Variants in KALRN observed in about 807,000 individuals in gnomAD.
KALRN encodes kalirin RhoGEF kinase.
In KALRN, 70 loss-of-function variants were observed where a neutral mutation model predicts 353.7. That is an observed-to-expected ratio of 0.20 (90% CI 0.16 to 0.24). The LOEUF is 0.24. Among genes scored for constraint, KALRN ranks in the 10% least tolerant of loss-of-function variants. KALRN has a pLI of 1.00. For missense variants in KALRN, 2,791 were observed against 3,756.7 expected, an observed-to-expected ratio of 0.74 and a Z score of 6.72; for synonymous variants, 1,391 against 1,434.8, an observed-to-expected ratio of 0.97 and a Z score of 0.69.
At chr3:124,300,714 GA>G (rs1186090215) in intron 6 of KALRN, among the ~76,000 whole-genome samples, 2 of 152,228 alleles carry the variant, frequency 1.3e-5, no homozygotes, top group African/African-American at 4.8e-5. Flanking sequence ...ATGTTAGGTA[GA>G]GGTGAACATC....
chr3:124,327,769 G>A (rs745729915), intron 7 of KALRN, among the ~76,000 whole-genome samples: 11 of 152,182 alleles, frequency 7.2e-5, no homozygotes, highest in African/African-American at 2.7e-4. Flanking sequence ...GCCAAGGAGA[G>A]TCAGACACCT....
At chr3:124,488,181 T>C in intron 28 of KALRN, 23 bp from the exon 29 acceptor site, 2 of 1,512,942 alleles carry the variant, frequency 1.3e-6, no homozygotes, top group African/African-American at 1.4e-5. Flanking sequence ...GCCCTAATTA[T>C]GTCCGGACTT....
At chr3:124,558,537 CCGAAATG>C (rs1419507461) in intron 33 of KALRN, among the ~76,000 whole-genome samples, 4 of 152,242 alleles carry the variant, frequency 2.6e-5, no homozygotes, top group Non-Finnish European at 5.9e-5. Flanking sequence ...CCTCGGCCTC[CCGAAATG>C]CTGGGATTAC....
intron 47 of KALRN, among the ~76,000 whole-genome samples, chr3:124,667,527 GAT>G (rs777786808): frequency 3.9e-5 from 6 of 152,222 alleles, no homozygotes; most frequent in Non-Finnish European, 5.9e-5. Context: ...GGCTAGAAAT[GAT>G]ATGTGTTTTT....
In KALRN at chr3:124,433,622, G is replaced by C. The variant is rs890124383; in HGVS notation, c.2830-685G>C. ...AAAAAAAAAAAAAAAAAAAAGGAAA[G>C]AAAATAGACCTTCTACATATATATG... On this transcript the variant is annotated intron_variant, in intron 16 of 59. Coordinates refer to ENST00000682506, the MANE Select transcript of KALRN (RefSeq NM_001388419.1). Among the ~76,000 whole-genome samples the C allele has an allele frequency of 3.2e-5, 4 of 125,432 alleles. No individual in the cohort carries two copies. The South Asian group carries it at 1.1e-3, about 34-fold the overall frequency. The allele number at this position is 125,432 out of a possible 152,430, so 82.3% of individuals were successfully genotyped here.
intron 1 of KALRN, among the ~76,000 whole-genome samples, chr3:124,140,556 G>A (rs1418486642): frequency 1.3e-5 from 2 of 152,202 alleles, no homozygotes; most frequent in African/African-American, 4.8e-5. Context: ...ATAGCAAGAT[G>A]CTGGGTGAGG....
chr3:124,490,118 G>C (rs555413618), intron 29 of KALRN, among the ~76,000 whole-genome samples: 1 of 152,136 alleles, frequency 6.6e-6, no homozygotes, highest in African/African-American at 2.4e-5. Flanking sequence ...AATTACCTGG[G>C]CATGGTGGCA....
At position 124,719,122 on chromosome 3, in the gene KALRN, T is replaced by C. The variant is rs1385787260; in HGVS notation, c.8613T>C (p.Tyr2871=). 1.2e-6 allele frequency: 2 copies of C among 1,614,224 alleles called. No homozygotes were observed. Among genetic ancestry groups the C allele is most frequent in the East Asian group, 4.5e-5 (2 of 44,884 alleles). Residue 2871 remains tyrosine, a synonymous_variant, in exon 60 of 60, where the codon TAT becomes TAC. Coordinates refer to ENST00000682506, the MANE Select transcript of KALRN (RefSeq NM_001388419.1). The surrounding 1 kb of genome is among the most constrained non-coding windows in gnomAD (Gnocchi z 5.3). ...TDIWSIGVLT[Y]VMLSGVSPFL... ...TCTGGAGCATCGGGGTTCTGACATA[T>C]GTCATGCTGAGTGGGGTCTCCCCCT...
chr3:124,680,186 C>A (rs2150470775), intron 51 of KALRN, among the ~76,000 whole-genome samples: 1 of 152,392 alleles, frequency 6.6e-6, no homozygotes, highest in Admixed American at 6.5e-5. Context: ...GGAGCCACGG[C>A]AGAGGCCTCT....
chr3:124,325,914 C>T, intron 6 of KALRN, 66 bp from the exon 7 acceptor site: 1 of 1,358,914 alleles, frequency 7.4e-7, no homozygotes, highest in South Asian at 1.4e-5. Context: ...AAATATGTAC[C>T]CCACGAAAGT....
intron 46 of KALRN, among the ~76,000 whole-genome samples, 173 bp from the exon 47 acceptor site, chr3:124,666,839 G>T (rs2085697527): frequency 6.6e-6 from 1 of 152,204 alleles, no homozygotes; most frequent in Non-Finnish European, 1.5e-5. Context: ...GATCCTGCAG[G>T]TTCCCTGGGA....
At chr3:124,215,909 G>T (rs539815753) in intron 1 of KALRN, among the ~76,000 whole-genome samples, 7 of 152,318 alleles carry the variant, frequency 4.6e-5, no homozygotes, top group South Asian at 4.1e-4. Context: ...AAACATGTTT[G>T]CAGACCCTTT....
At chr3:124,634,465 G>A (rs1206030729) in intron 36 of KALRN, among the ~76,000 whole-genome samples, 2 of 152,226 alleles carry the variant, frequency 1.3e-5, no homozygotes, top group African/African-American at 4.8e-5. Context: ...AACTTAATAT[G>A]CGAAATTGCC....
chr3:124,282,666 C>G (rs2075465934), intron 5 of KALRN, among the ~76,000 whole-genome samples: 1 of 152,170 alleles, frequency 6.6e-6, no homozygotes, highest in African/African-American at 2.4e-5. Context: ...CATGAGCCAC[C>G]ACGCCTGGCC....
At chr3:124,311,014 T>TA (rs2078194070) in intron 6 of KALRN, among the ~76,000 whole-genome samples, 1 of 145,610 alleles carries the variant, frequency 6.9e-6, no homozygotes, top group African/African-American at 2.5e-5. Flanking sequence ...ATGCTTGACA[T>TA]AATTAGTCAT....
intron 1 of KALRN, among the ~76,000 whole-genome samples, chr3:124,193,023 A>T (rs377284988): frequency 6.6e-6 from 1 of 152,198 alleles, no homozygotes; most frequent in Non-Finnish European, 1.5e-5. Flanking sequence ...ATGTACTTCT[A>T]TTCTTTATTG....
rs2081513419 is a variant in KALRN at position 124,339,908 on chromosome 3, C to T, written c.1647+5413C>T. Among the ~76,000 whole-genome samples the T allele has an allele frequency of 2.6e-5, 4 of 152,252 alleles. No individual in the cohort carries two copies. The South Asian group carries it at 8.3e-4, about 32-fold the overall frequency. On this transcript the variant is annotated intron_variant, in intron 9 of 59. Coordinates refer to ENST00000682506, the MANE Select transcript of KALRN (RefSeq NM_001388419.1). ...AAATAAGATGACTTATCAGAGAGAA[C>T]CAGGTGAGGAATCAGAGAGGTGAGA...
At chr3:124,578,759 C>T (rs1340131039) in intron 34 of KALRN, among the ~76,000 whole-genome samples, 5 of 122,056 alleles carry the variant, frequency 4.1e-5, no homozygotes, top group Non-Finnish European at 8.2e-5. Flanking sequence ...CAGAGTGAAA[C>T]TCCATTTAAA....
chr3:124,244,568 T>C (rs2080893138), intron 3 of KALRN, among the ~76,000 whole-genome samples: 1 of 152,222 alleles, frequency 6.6e-6, no homozygotes, highest in Admixed American at 6.5e-5. Flanking sequence ...ATGGACTGTA[T>C]TGTTTCTTCA....
Sources: allele counts gnomAD v4.1 joint callset (sites outside exome capture counted in the v4.1 genomes callset), GRCh38; gene constraint gnomAD v4.1.1; non-coding constraint Gnocchi (gnomAD v3.1); transcripts MANE v1.5; gene names NCBI Gene and HGNC (gene_info 2026-07-23, HGNC 2026-07-21).